Variants in SLC26A5 observed in about 807,000 individuals in gnomAD.
The protein encoded by SLC26A5 is prestin.
Under a neutral mutation model 81.0 loss-of-function variants are expected in SLC26A5, and 51 were observed. The ratio of observed to expected loss-of-function variants is 0.63; its 90% CI spans 0.50 to 0.80. SLC26A5 has a LOEUF of 0.80. SLC26A5 is among the 30% of genes least tolerant of loss of function. The pLI is 0.00. For synonymous variants in SLC26A5, 325 were observed against 332.8 expected (o/e 0.98, Z 0.25); for missense variants, 771 against 905.8 (o/e 0.85, Z 1.91).
chr7:103,362,687 G>A, intron 19 of SLC26A5: 3 of 1,600,930 alleles, frequency 1.9e-6, no homozygotes, highest in Non-Finnish European at 2.6e-6. Context: ...CTTCCTTAGC[G>A]TGGATAGAAA....
rs368444732 is a variant in SLC26A5, at chr7:103,384,229, T to C, written c.1515-3680A>G. ...AAACTCCTCGCCTCAGCAATCCTCC[T>C]GCCTTGGCCTCCTAAATTGCTGGGA... is the stretch of plus-strand genomic sequence containing the variant. On this transcript the variant is annotated intron_variant, in intron 14 of 19. Transcript: ENST00000306312. 6.6e-5 allele frequency among the ~76,000 whole-genome samples: 10 copies of C among 151,866 alleles called. No individual in the cohort carries two copies. The East Asian group carries it at 9.8e-4, about 15-fold the overall frequency.
chr7:103,363,516 A>C (rs1820528982), intron 19 of SLC26A5: 1 of 1,263,170 alleles, frequency 7.9e-7, no homozygotes, highest in South Asian at 1.2e-5. Flanking sequence ...AATTGCTTGT[A>C]TATTAGATGG....
chr7:103,384,948 A>T (rs769451194), intron 14 of SLC26A5, among the ~76,000 whole-genome samples: 1 of 152,160 alleles, frequency 6.6e-6, no homozygotes, highest in Non-Finnish European at 1.5e-5. Context: ...CATGTCTTAT[A>T]TACTGCACTG....
intron 16 of SLC26A5, among the ~76,000 whole-genome samples, chr7:103,378,855 G>C (rs1346021701): frequency 6.6e-6 from 1 of 152,156 alleles, no homozygotes; most frequent in Non-Finnish European, 1.5e-5. Context: ...TGGGTTGACA[G>C]GGAGCTTTTC....
chr7:103,377,223 C>T (rs1821417805), intron 18 of SLC26A5, among the ~76,000 whole-genome samples: 1 of 152,182 alleles, frequency 6.6e-6, no homozygotes, highest in African/African-American at 2.4e-5. Context: ...CAGCAATCCT[C>T]CTGCTTCAGC....
At chr7:103,397,794 C>A in intron 9 of SLC26A5, 138 bp downstream of exon 9, 1 of 666,898 alleles carries the variant, frequency 1.5e-6, no homozygotes, top group Non-Finnish European at 2.7e-6. Flanking sequence ...AAAATGCACC[C>A]AATCCCCCTA....
intron 2 of SLC26A5, among the ~76,000 whole-genome samples, chr7:103,427,851 C>CTTT (rs60928156): frequency 1.0e-3 from 148 of 143,958 alleles, no homozygotes; most frequent in East Asian, 3.9e-3. Context: ...TCTAGAGATT[C>CTTT]TTTTTTTTTT....
At chr7:103,381,902 T>C (rs567638247) in intron 14 of SLC26A5, among the ~76,000 whole-genome samples, 1 of 148,834 alleles carries the variant, frequency 6.7e-6, no homozygotes, top group East Asian at 2.0e-4. Context: ...CACACACATA[T>C]ACATACATCA....
intron 19 of SLC26A5, chr7:103,368,194 G>A: frequency 1.3e-6 from 1 of 787,036 alleles, no homozygotes; most frequent in Non-Finnish European, 1.9e-6. Context: ...ATAATAAAAG[G>A]TGATTTCTAA....
At position 103,443,118 on chromosome 7, in the gene SLC26A5, G is replaced by C. The variant is rs1826999292; in HGVS notation, c.-89C>G. ...TGTGCAGCACAAAAGTCGGGACAGG[G>C]GACAAGATCCCCCGCTGGGAGCTCC... On this transcript the variant is annotated 5_prime_UTR_variant, in exon 2 of 20. Transcript: ENST00000306312. The C allele has an allele frequency of 6.6e-6, 1 of 152,258 alleles. No homozygotes were observed. The highest frequency in any genetic ancestry group is 1.5e-5 in the Non-Finnish European group (1 of 68,096). The allele number at this position is 152,258 out of a possible 1,614,324, so 9.4% of individuals were successfully genotyped here.
intron 8 of SLC26A5, among the ~76,000 whole-genome samples, chr7:103,400,142 CCA>C (rs1279378535): frequency 6.6e-6 from 1 of 151,990 alleles, no homozygotes; most frequent in East Asian, 1.9e-4. Flanking sequence ...TGAGGAATCA[CCA>C]CACTGTCTTC....
chr7:103,410,964 C>T (rs1824440965), intron 6 of SLC26A5, among the ~76,000 whole-genome samples: 1 of 152,086 alleles, frequency 6.6e-6, no homozygotes, highest in Non-Finnish European at 1.5e-5. Context: ...ACTTGTACCT[C>T]AAGTGGGTAA....
At chr7:103,431,410 C>T (rs1031605511) in intron 2 of SLC26A5, among the ~76,000 whole-genome samples, 16 of 152,014 alleles carry the variant, frequency 1.1e-4, no homozygotes, top group African/African-American at 2.4e-5. Context: ...GCAGCCTCAA[C>T]CTCCTGCACT....
intron 14 of SLC26A5, among the ~76,000 whole-genome samples, chr7:103,385,289 A>G (rs1822098117): frequency 6.6e-6 from 1 of 152,024 alleles, no homozygotes; most frequent in Admixed American, 6.6e-5. Flanking sequence ...CAGCCTCCCC[A>G]GTAGCTGGAA....
At chr7:103,368,668 A>G (rs1361265348) in intron 19 of SLC26A5, 1 of 152,226 alleles carries the variant, frequency 6.6e-6, no homozygotes, top group African/African-American at 2.4e-5. Context: ...TTAATCAGGA[A>G]GAATTAGTGA....
intron 14 of SLC26A5, among the ~76,000 whole-genome samples, chr7:103,381,828 ACAC>A (rs1171662271): frequency 6.6e-6 from 1 of 150,726 alleles, no homozygotes; most frequent in Non-Finnish European, 1.5e-5. Flanking sequence ...GACACAATAC[ACAC>A]AACACACACA....
In SLC26A5 at chr7:103,378,443, C is replaced by T; in HGVS notation, c.1785+3G>A. ...GGATTATTTCAATGAAAAGACCACT[C>T]ACTGCTTTGACAACAGTTGCGTTGG... On this transcript the variant is annotated splice_donor_region_variant and intron_variant, in intron 17 of 19. Transcript: ENST00000306312. The T allele has an allele frequency of 3.7e-6, 6 of 1,613,290 alleles. No homozygotes were observed. The highest frequency in any genetic ancestry group is 5.1e-6 in the Non-Finnish European group (6 of 1,179,192).
chr7:103,439,286 G>T (rs1236687803), intron 2 of SLC26A5, among the ~76,000 whole-genome samples: 1 of 152,130 alleles, frequency 6.6e-6, no homozygotes, highest in African/African-American at 2.4e-5. Context: ...AAACTGGGGG[G>T]ACTATCCAGG....
chr7:103,415,583 G>A (rs563780933), intron 4 of SLC26A5, among the ~76,000 whole-genome samples: 1 of 152,164 alleles, frequency 6.6e-6, no homozygotes, highest in Non-Finnish European at 1.5e-5. Flanking sequence ...CCCAACAACA[G>A]AGTAAATGGC....
Sources: allele counts gnomAD v4.1 joint callset (sites outside exome capture counted in the v4.1 genomes callset), GRCh38; gene constraint gnomAD v4.1.1; transcripts MANE v1.5; gene names NCBI Gene and HGNC (gene_info 2026-07-23, HGNC 2026-07-21).